The following PRELID2 variants were observed in gnomAD, a reference collection of about 807,000 sequenced individuals.
PRELID2 encodes PRELI domain containing 2.
In PRELID2, 25 loss-of-function variants were observed where a neutral mutation model predicts 28.4. The observed-to-expected ratio is 0.88, with a 90% CI of 0.64 to 1.23. The LOEUF (loss-of-function observed/expected upper bound fraction) is 1.23. Ranked by LOEUF, PRELID2 falls within the 50% of genes most tolerant of loss-of-function variation. PRELID2 has a pLI of 0.00. For synonymous variants in PRELID2, 76 were observed against 71.6 expected (o/e 1.06, Z -0.31); for missense variants, 201 against 214.4 (o/e 0.94, Z 0.39).
intron 1 of PRELID2, among the ~76,000 whole-genome samples, chr5:145,665,396 T>C (rs1299835131): frequency 6.6e-6 from 1 of 152,052 alleles, no homozygotes; most frequent in Non-Finnish European, 1.5e-5. Context: ...AGATCCAGGA[T>C]TGGGAAAAGA....
chr5:145,340,637 A>G, the PRELID2 span, among the ~76,000 whole-genome samples: 2 of 151,968 alleles, frequency 1.3e-5, no homozygotes, highest in South Asian at 4.1e-4. Flanking sequence ...GTGTGGTGGC[A>G]CATGCCTGTA....
At chr5:145,658,467 G>A (rs1754433030) in intron 1 of PRELID2, among the ~76,000 whole-genome samples, 2 of 152,194 alleles carry the variant, frequency 1.3e-5, no homozygotes, top group Admixed American at 1.3e-4. Context: ...GGGGCCTAGT[G>A]GAAAGTATTA....
intron 1 of PRELID2, among the ~76,000 whole-genome samples, chr5:145,479,418 T>A (rs1752136046): frequency 6.6e-6 from 1 of 152,162 alleles, no homozygotes; most frequent in Non-Finnish European, 1.5e-5. Context: ...TACCTCCTGT[T>A]CATCCTGCAG....
At chr5:145,728,184 T>A (rs139397590) in intron 1 of PRELID2, among the ~76,000 whole-genome samples, 1,591 of 152,266 alleles carry the variant, frequency 0.01, 43 homozygotes, top group East Asian at 0.075. Flanking sequence ...TTTGCTTTTG[T>A]ACATCTTTAG....
At chr5:145,588,771 C>G (rs1753187451) in intron 1 of PRELID2, among the ~76,000 whole-genome samples, 1 of 151,970 alleles carries the variant, frequency 6.6e-6, no homozygotes, top group African/African-American at 2.4e-5. Flanking sequence ...CCTTCCCATC[C>G]TCCCTTGGAA....
chr5:145,738,652 A>C (rs1399677469), intron 1 of PRELID2, among the ~76,000 whole-genome samples: 1 of 152,178 alleles, frequency 6.6e-6, no homozygotes, highest in Non-Finnish European at 1.5e-5. Flanking sequence ...GAGAAAATAA[A>C]CTGAAAGAAA....
At chr5:145,418,588 A>G in the PRELID2 span, among the ~76,000 whole-genome samples, 1 of 152,252 alleles carries the variant, frequency 6.6e-6, no homozygotes, top group South Asian at 2.1e-4. Context: ...ATAATACTGC[A>G]CACCTACAAC....
chr5:145,300,490 T>C, the PRELID2 span, among the ~76,000 whole-genome samples: 1 of 152,022 alleles, frequency 6.6e-6, no homozygotes, highest in Non-Finnish European at 1.5e-5. Flanking sequence ...AAAATATAAG[T>C]TTTTATTTAA....
At chr5:145,614,998 T>A (rs1015094385) in intron 1 of PRELID2, among the ~76,000 whole-genome samples, 3 of 152,196 alleles carry the variant, frequency 2.0e-5, no homozygotes, top group Non-Finnish European at 2.9e-5. Flanking sequence ...GTGCTGTCAG[T>A]GGAGTATTGA....
intron 1 of PRELID2, among the ~76,000 whole-genome samples, chr5:145,654,793 T>C (rs112619449): frequency 0.018 from 2,690 of 152,180 alleles, 85 homozygotes; most frequent in African/African-American, 0.061. Flanking sequence ...GCCAATATCA[T>C]ACTGAATGGG....
At chr5:145,363,375 T>G in the PRELID2 span, among the ~76,000 whole-genome samples, 1 of 152,096 alleles carries the variant, frequency 6.6e-6, no homozygotes. Context: ...TGACAGCCTC[T>G]TTATATTCTA....
intron 1 of PRELID2, among the ~76,000 whole-genome samples, chr5:145,535,365 G>A (rs949867509): frequency 6.6e-6 from 1 of 151,718 alleles, no homozygotes; most frequent in Non-Finnish European, 1.5e-5. Flanking sequence ...AGCTAATTAA[G>A]AACACAGTGA....
intron 1 of PRELID2, among the ~76,000 whole-genome samples, chr5:145,482,979 G>A (rs747070770): frequency 1.6e-4 from 25 of 152,024 alleles, no homozygotes; most frequent in Non-Finnish European, 2.8e-4. Flanking sequence ...ATGAAGTTTC[G>A]CTGGCTCACC....
downstream of PRELID2, chr5:145,754,452 T>C (rs1216980032): frequency 6.6e-6 from 1 of 152,212 alleles, no homozygotes; most frequent in East Asian, 1.9e-4. Context: ...ACTACTGCCA[T>C]CTGTCAGTGC....
chr5:145,337,972 A>G, the PRELID2 span: 1 of 152,054 alleles, frequency 6.6e-6, no homozygotes, highest in African/African-American at 2.4e-5. Context: ...TTGTTTGTCA[A>G]TTATATTTCA....
chr5:145,565,092 C>T (rs1416539396), intron 1 of PRELID2, among the ~76,000 whole-genome samples: 1 of 152,238 alleles, frequency 6.6e-6, no homozygotes, highest in Non-Finnish European at 1.5e-5. Context: ...AGAGCTGTTC[C>T]TATTCGGTCA....
chr5:145,300,878 G>A, the PRELID2 span, among the ~76,000 whole-genome samples: 1 of 151,082 alleles, frequency 6.6e-6, no homozygotes, highest in Non-Finnish European at 1.5e-5. Flanking sequence ...TTATAATTAG[G>A]CAAATGATTT....
Position 145,711,737 on chromosome 5 carries a change from G to T in PRELID2, n.70+53194C>A, listed in dbSNP as rs116113935. 3.4e-3 allele frequency among the ~76,000 whole-genome samples: 514 copies of T among 151,606 alleles called. 4 individuals are homozygous for T. Among genetic ancestry groups the T allele is most frequent in the African/African-American group, 0.012 (491 of 41,326 alleles). On this transcript the variant is annotated intron_variant and non_coding_transcript_variant, in intron 1 of 2. Coordinates refer to the PRELID2 transcript ENST00000510259. The stretch of plus-strand genomic sequence containing the variant: ...GTACTTACGGCTGTGTGTTGGGTGG[G>T]TTGGGGGGCGGGGGCAAGAGGACTG...
intron 1 of PRELID2, among the ~76,000 whole-genome samples, chr5:145,740,685 TAA>T (rs1350299442): frequency 7.0e-5 from 2 of 28,394 alleles, no homozygotes; most frequent in African/African-American, 1.8e-4. Flanking sequence ...ATTTTATATT[TAA>T]TATATTATTT....
Sources: gnomAD v4.1 joint callset for allele counts (sites outside exome capture counted in the v4.1 genomes callset) on GRCh38, gnomAD v4.1.1 for gene constraint, MANE v1.5 for transcripts, NCBI Gene and HGNC (gene_info 2026-07-23, HGNC 2026-07-21) for gene names.